Variants in ARIH1 observed in about 807,000 individuals in gnomAD.
ARIH1 encodes ariadne RBR E3 ubiquitin protein ligase 1.
ARIH1 carries 8 observed loss-of-function variants against 85.0 expected under a neutral mutation model. The observed-to-expected ratio is 0.09, with a 90% CI of 0.06 to 0.17. ARIH1 has a LOEUF of 0.17. Ranked by LOEUF, ARIH1 falls within the 10% of genes least tolerant of loss-of-function variation. The pLI is 1.00. For synonymous variants in ARIH1, 238 were observed against 253.6 expected (o/e 0.94, Z 0.59); for missense variants, 311 against 718.1 (o/e 0.43, Z 6.48).
rs982301189 is a variant in ARIH1 at position 72,585,145 on chromosome 15, A to G, written c.*1853A>G. The G allele has an allele frequency of 6.6e-6, 1 of 152,070 alleles. No individual in the cohort carries two copies. The highest frequency in any genetic ancestry group is 2.4e-5 in the African/African-American group (1 of 41,398). 9.4% of individuals were successfully genotyped at this position (152,070 alleles called of 1,614,324 possible). A position where few individuals can be genotyped will look rare whatever the true frequency, so the allele number is the denominator to read the frequency against. On this transcript the variant is annotated 3_prime_UTR_variant, in exon 14 of 14. Transcript: ENST00000379887. Reference sequence around the variant, plus strand: ...TAGAAAAGGTTGTTACAGGAGATTTACTGGCAACTGTTCTTTTCCCATCAA... The same window carrying G: ...TAGAAAAGGTTGTTACAGGAGATTTGCTGGCAACTGTTCTTTTCCCATCAA...
intron 2 of ARIH1, among the ~76,000 whole-genome samples, chr15:72,532,668 A>G (rs1055426221): frequency 6.6e-6 from 1 of 152,176 alleles, no homozygotes; most frequent in African/African-American, 2.4e-5. Flanking sequence ...CACGCACACA[A>G]AACAAAAACT....
chr15:72,558,458 C>T (rs562156514), intron 5 of ARIH1, among the ~76,000 whole-genome samples: 5 of 152,224 alleles, frequency 3.3e-5, no homozygotes, highest in African/African-American at 4.8e-5. Flanking sequence ...TACACCATCA[C>T]GTCCGGATAA....
chr15:72,532,165 ATTTTT>A (rs34515098), intron 2 of ARIH1, among the ~76,000 whole-genome samples: 1 of 144,602 alleles, frequency 6.9e-6, no homozygotes, highest in African/African-American at 2.5e-5. Flanking sequence ...AAGCCGTAAG[ATTTTT>A]TTTTTTTTTT....
chr15:72,512,633 A>T (rs2063955609), intron 1 of ARIH1, among the ~76,000 whole-genome samples: 2 of 133,734 alleles, frequency 1.5e-5, no homozygotes, highest in Admixed American at 7.7e-5. Flanking sequence ...GATCTTTCTG[A>T]TTTTCTTACA....
At position 72,474,894 on chromosome 15, in the gene ARIH1, C is replaced by CGGT. The variant is rs767633154; in HGVS notation, c.264_266dup (p.Gly90dup). ...GCGGTGGCGGCGGCGGCGGCGGCGG[C>CGGT]GGTGGTGGTGGCGGGCCGGGGCATG... On this transcript the variant is annotated inframe_insertion, in exon 1 of 14. Coordinates refer to ENST00000379887, the MANE Select transcript of ARIH1 (RefSeq NM_005744.5). 1.5e-4 allele frequency: 211 copies of CGGT among 1,397,812 alleles called. No homozygotes were observed. The highest frequency in any genetic ancestry group is 4.4e-4 in the Admixed American group (16 of 36,072). 86.6% of individuals were successfully genotyped at this position (1,397,812 alleles called of 1,614,324 possible).
chr15:72,575,819 G>C (rs896434748), intron 11 of ARIH1, among the ~76,000 whole-genome samples: 1 of 152,140 alleles, frequency 6.6e-6, no homozygotes, highest in African/African-American at 2.4e-5. Flanking sequence ...CTGTTCATAA[G>C]CATTGGTTTG....
chr15:72,502,854 C>T (rs1435288541), intron 1 of ARIH1, among the ~76,000 whole-genome samples: 4 of 152,062 alleles, frequency 2.6e-5, no homozygotes, highest in Admixed American at 2.6e-4. Context: ...GACATTCCTG[C>T]CTGCTGAAGT....
intron 8 of ARIH1, 85 bp downstream of exon 8, chr15:72,566,690 A>G (rs995528821): frequency 8.3e-7 from 1 of 1,211,670 alleles, no homozygotes; most frequent in African/African-American, 1.5e-5. Flanking sequence ...TGATTTTGTT[A>G]TCTATCTATT....
At chr15:72,572,363 G>C in intron 11 of ARIH1, 198 bp downstream of exon 11, 1 of 427,730 alleles carries the variant, frequency 2.3e-6, no homozygotes, top group Admixed American at 4.2e-5. Flanking sequence ...TCAGCCTCCT[G>C]AGTAGCTGGG....
Position 72,474,885 on chromosome 15 carries a change from CGGCGGCGGCGGTGGT to C in ARIH1, c.249_263del (p.Gly86_Gly90del). The C allele has an allele frequency of 7.0e-7, 1 of 1,424,868 alleles. No homozygotes were observed. The highest frequency in any genetic ancestry group is 9.2e-7 in the Non-Finnish European group (1 of 1,083,402). The allele number at this position is 1,424,868 out of a possible 1,614,324, so 88.3% of individuals were successfully genotyped here. The stretch of plus-strand genomic sequence containing the variant: ...TGGGGCCCGGCGGTGGCGGCGGCGG[CGGCGGCGGCGGTGGT>C]GGTGGCGGGCCGGGGCATGAGCAGG... On this transcript the variant is annotated inframe_deletion, in exon 1 of 14. Coordinates refer to ENST00000379887, the MANE Select transcript of ARIH1 (RefSeq NM_005744.5).
chr15:72,481,898 G>A (rs565546144), intron 1 of ARIH1, among the ~76,000 whole-genome samples: 7 of 151,858 alleles, frequency 4.6e-5, no homozygotes, highest in South Asian at 2.1e-4. Flanking sequence ...GTGCAGTGGC[G>A]CCATCTCGGC....
intron 5 of ARIH1, among the ~76,000 whole-genome samples, chr15:72,557,153 A>T (rs1440492165): frequency 1.3e-5 from 2 of 151,844 alleles, no homozygotes; most frequent in African/African-American, 4.8e-5. Flanking sequence ...AATATTCCTT[A>T]TGACTGGTGT....
chr15:72,578,781 A>G (rs900646366), intron 11 of ARIH1, among the ~76,000 whole-genome samples: 1 of 146,950 alleles, frequency 6.8e-6, no homozygotes, highest in African/African-American at 2.5e-5. Flanking sequence ...AATATCCCCA[A>G]TTATCTTAAA....
intron 1 of ARIH1, among the ~76,000 whole-genome samples, chr15:72,513,097 T>TA (rs995603493): frequency 2.0e-5 from 3 of 152,120 alleles, no homozygotes; most frequent in Admixed American, 6.5e-5. Flanking sequence ...TTGCCCTTTT[T>TA]AAAAAAAAGA....
chr15:72,547,803 G>GT (rs1335252444), intron 3 of ARIH1, among the ~76,000 whole-genome samples: 1 of 152,124 alleles, frequency 6.6e-6, no homozygotes, highest in Non-Finnish European at 1.5e-5. Context: ...ACTTCTTGGC[G>GT]TTTTTCCTCC....
At chr15:72,484,085 A>G (rs374574904) in intron 1 of ARIH1, among the ~76,000 whole-genome samples, 4 of 151,784 alleles carry the variant, frequency 2.6e-5, no homozygotes, top group East Asian at 1.9e-4. Flanking sequence ...AGGCAGGAGA[A>G]TCACTTGAAC....
At chr15:72,508,830 A>G (rs1222994946) in intron 1 of ARIH1, among the ~76,000 whole-genome samples, 2 of 151,434 alleles carry the variant, frequency 1.3e-5, no homozygotes, top group Non-Finnish European at 2.9e-5. Flanking sequence ...AGTAGCTGGG[A>G]CTACAGGCAT....
At chr15:72,532,086 G>A (rs2064059702) in intron 2 of ARIH1, among the ~76,000 whole-genome samples, 1 of 150,330 alleles carries the variant, frequency 6.7e-6, no homozygotes, top group Admixed American at 6.6e-5. Context: ...TAAATATAGG[G>A]AAAATACAAG....
Position 72,584,577 on chromosome 15 carries a change from G to A in ARIH1, c.*1285G>A, listed in dbSNP as rs1333826828. 6.6e-6 allele frequency: 1 copy of A among 152,046 alleles called. No individual in the cohort carries two copies. Among genetic ancestry groups the A allele is most frequent in the Non-Finnish European group, 1.5e-5 (1 of 68,000 alleles). The allele number at this position is 152,046 out of a possible 1,614,324, so 9.4% of individuals were successfully genotyped here. A position where few individuals can be genotyped will look rare whatever the true frequency, so the allele number is the denominator to read the frequency against. ...TCTCAGATTGTGAATTTAAAATGGTGGATACCGAAATTGCTTGTGTGTGTT... is the reference window on the plus strand; with the variant it reads ...TCTCAGATTGTGAATTTAAAATGGTAGATACCGAAATTGCTTGTGTGTGTT... On this transcript the variant is annotated 3_prime_UTR_variant, in exon 14 of 14. Transcript: ENST00000379887.
Sources: gnomAD v4.1 joint callset for allele counts (sites outside exome capture counted in the v4.1 genomes callset) on GRCh38, gnomAD v4.1.1 for gene constraint, MANE v1.5 for transcripts, NCBI Gene and HGNC (gene_info 2026-07-23, HGNC 2026-07-21) for gene names.